AHI1: variants seen among roughly 807,000 people sequenced by gnomAD.
AHI1 encodes the protein Abelson helper integration site 1.
Under a neutral mutation model 149.3 loss-of-function variants are expected in AHI1, and 123 were observed. The observed-to-expected ratio is 0.82, with a 90% confidence interval of 0.71 to 0.96. AHI1 has a LOEUF of 0.96. AHI1 is among the 40% of genes least tolerant of loss of function. AHI1 has a pLI of 0.00. For missense variants in AHI1, 1,439 were observed against 1,422.7 expected (o/e 1.01, Z -0.18); for synonymous variants, 475 against 459.8 (o/e 1.03, Z -0.42).
intron 23 of AHI1, among the ~76,000 whole-genome samples, chr6:135,376,458 G>A (rs752069126): frequency 4.6e-5 from 7 of 152,148 alleles, no homozygotes; most frequent in Non-Finnish European, 1.0e-4. Context: ...AAGCTGACAT[G>A]ATATGCACCC....
chr6:135,394,472 T>G (rs959677224), intron 23 of AHI1, among the ~76,000 whole-genome samples: 2 of 152,060 alleles, frequency 1.3e-5, no homozygotes, highest in Non-Finnish European at 2.9e-5. Flanking sequence ...TGATGGGTTC[T>G]TTATCTAATT....
intron 9 of AHI1, 96 bp from the exon 10 acceptor site, chr6:135,456,022 G>C: frequency 1.3e-6 from 1 of 770,288 alleles, no homozygotes; most frequent in African/African-American, 1.8e-5. Flanking sequence ...CAGAAATAAT[G>C]AATAGTCATA....
rs371324758 is a variant in AHI1, at chr6:135,375,111, G to A, written c.3110-16924C>T. Among the ~76,000 whole-genome samples the A allele has an allele frequency of 8.5e-5, 13 of 152,258 alleles. 1 individual carries two copies. Among genetic ancestry groups the A allele is most frequent in the East Asian group, 1.9e-4 (1 of 5,192 alleles). ...GGCTATAACTCTATTGTAAGTCGAG[G>A]AGTATCTAGTTGGAACATCCCATGT... On this transcript the variant is annotated intron_variant, in intron 23 of 28. Coordinates refer to ENST00000265602, the MANE Select transcript of AHI1 (RefSeq NM_001134831.2).
At chr6:135,410,486 C>T (rs1781430865) in intron 21 of AHI1, among the ~76,000 whole-genome samples, 1 of 152,182 alleles carries the variant, frequency 6.6e-6, no homozygotes, top group Non-Finnish European at 1.5e-5. Flanking sequence ...TATGCCATTC[C>T]TATGCCTAAG....
intron 25 of AHI1, among the ~76,000 whole-genome samples, chr6:135,319,418 T>C (rs998875555): frequency 1.3e-5 from 2 of 152,064 alleles, no homozygotes; most frequent in Non-Finnish European, 2.9e-5. Flanking sequence ...GAGGTTGCAG[T>C]GAGCCAAGAC....
intron 24 of AHI1, among the ~76,000 whole-genome samples, chr6:135,349,755 T>C (rs940346155): frequency 1.3e-5 from 2 of 152,344 alleles, no homozygotes; most frequent in South Asian, 4.1e-4. Context: ...CTTTGAGCAA[T>C]AAGAGCAGCT....
intron 22 of AHI1, among the ~76,000 whole-genome samples, chr6:135,401,985 A>G (rs1304998942): frequency 6.6e-6 from 1 of 152,204 alleles, no homozygotes; most frequent in East Asian, 1.9e-4. Context: ...TAAACAATAA[A>G]AAGACAAAAA....
At chr6:135,384,957 C>G (rs919931730) in intron 23 of AHI1, among the ~76,000 whole-genome samples, 1 of 152,020 alleles carries the variant, frequency 6.6e-6, no homozygotes, top group African/African-American at 2.4e-5. Context: ...GGCATGGTGG[C>G]AGGTACTTGT....
intron 25 of AHI1, among the ~76,000 whole-genome samples, chr6:135,322,423 T>C (rs1787003174): frequency 6.6e-6 from 1 of 152,198 alleles, no homozygotes; most frequent in Non-Finnish European, 1.5e-5. Context: ...TCTCAAGGCC[T>C]AGTGGTGAAT....
chr6:135,303,423 C>T (rs1343617323), intron 26 of AHI1, among the ~76,000 whole-genome samples: 1 of 152,074 alleles, frequency 6.6e-6, no homozygotes, highest in Non-Finnish European at 1.5e-5. Context: ...TTGTTTATAT[C>T]TACTTTGTAG....
At chr6:135,369,807 T>C (rs1485680366) in intron 23 of AHI1, among the ~76,000 whole-genome samples, 3 of 152,188 alleles carry the variant, frequency 2.0e-5, no homozygotes, top group Non-Finnish European at 2.9e-5. Flanking sequence ...TAATGAATTT[T>C]CATTTTATCT....
rs200697251 is a variant in AHI1 at position 135,433,099 on chromosome 6, C to G, written c.2194G>C (p.Asp732His). ...AACTGTCGGACCAATATGGCAGAAT[C>G]TTCTCTCATCTCAACTTTCCATATC... ...IRIWKVEMRE[D>H]SAILVRQFDV... is the part of the protein sequence containing the mutation. The change falls in exon 16 of 29, where the codon GAT becomes CAT. Residue 732 changes from aspartate (D) to histidine (H), a missense_variant. Asp to His is a moderately conservative substitution (Grantham distance 81). Transcript: ENST00000265602. The G allele has an allele frequency of 3.3e-5, 54 of 1,613,734 alleles. No homozygotes were observed. Among genetic ancestry groups the G allele is most frequent in the Non-Finnish European group, 4.5e-5 (53 of 1,179,720 alleles).
chr6:135,396,699 T>G (rs2128487393), intron 22 of AHI1, among the ~76,000 whole-genome samples: 1 of 151,972 alleles, frequency 6.6e-6, no homozygotes, highest in African/African-American at 2.4e-5. Flanking sequence ...ATTTCTCAGT[T>G]TTACTTCCTG....
intron 23 of AHI1, among the ~76,000 whole-genome samples, chr6:135,373,195 T>C (rs1775326089): frequency 6.6e-6 from 1 of 152,236 alleles, no homozygotes; most frequent in Non-Finnish European, 1.5e-5. Flanking sequence ...AGATCGCATA[T>C]ACAATGAGGG....
intron 5 of AHI1, among the ~76,000 whole-genome samples, chr6:135,487,262 T>A (rs574200456): frequency 1.4e-4 from 21 of 152,142 alleles, no homozygotes; most frequent in Non-Finnish European, 2.8e-4. Flanking sequence ...ATACTTGTTT[T>A]ATTTATTTCA....
intron 3 of AHI1, among the ~76,000 whole-genome samples, chr6:135,494,014 G>C (rs1251348871): frequency 6.6e-6 from 1 of 152,144 alleles, no homozygotes; most frequent in East Asian, 1.9e-4. Context: ...GTGCGCTCCA[G>C]GTGATGGAGT....
At chr6:135,374,329 G>T (rs1012107660) in intron 23 of AHI1, among the ~76,000 whole-genome samples, 1 of 151,474 alleles carries the variant, frequency 6.6e-6, no homozygotes, top group African/African-American at 2.4e-5. Context: ...AGCCAGGCTG[G>T]TCTCGATCTC....
intron 26 of AHI1, among the ~76,000 whole-genome samples, chr6:135,303,193 A>ATAGC (rs1192009202): frequency 1.3e-5 from 2 of 152,232 alleles, no homozygotes; most frequent in Non-Finnish European, 2.9e-5. Context: ...CAACTCATAG[A>ATAGC]TAGCTTTGTA....
chr6:135,464,636 G>A (rs1790457078), intron 7 of AHI1, among the ~76,000 whole-genome samples: 1 of 152,180 alleles, frequency 6.6e-6, no homozygotes, highest in South Asian at 2.1e-4. Context: ...CCTTGGTCTG[G>A]GGAAGCAAGT....
Sources: allele counts gnomAD v4.1 joint callset (sites outside exome capture counted in the v4.1 genomes callset), GRCh38; gene constraint gnomAD v4.1.1; transcripts MANE v1.5; gene names NCBI Gene and HGNC (gene_info 2026-07-23, HGNC 2026-07-21).